NRXN1: variants seen among roughly 807,000 people sequenced by gnomAD.
NRXN1 encodes neurexin 1.
Under a neutral mutation model 150.9 loss-of-function variants are expected in NRXN1, and 39 were observed. That is an observed-to-expected ratio of 0.26 (90% confidence interval 0.20 to 0.34). The LOEUF is 0.34. Among genes scored for constraint, NRXN1 ranks in the 10% least tolerant of loss-of-function variants. The pLI, the probability that NRXN1 is intolerant of heterozygous loss-of-function variation, is 1.00. For missense variants in NRXN1, 1,815 were observed against 1,949.9 expected, an observed-to-expected ratio of 0.93 and a Z score of 1.30; for synonymous variants, 924 against 757.0, an observed-to-expected ratio of 1.22 and a Z score of -3.62.
chr2:50,889,173 TCTTAACTG>T (rs1175828503), intron 5 of NRXN1, among the ~76,000 whole-genome samples: 2 of 151,808 alleles, frequency 1.3e-5, no homozygotes, highest in East Asian at 3.9e-4. Context: ...CTATGAGTCT[TCTTAACTG>T]CTCTTCATGT....
intron 5 of NRXN1, among the ~76,000 whole-genome samples, chr2:50,640,404 G>T (rs1221914237): frequency 6.6e-6 from 1 of 152,006 alleles, no homozygotes; most frequent in Non-Finnish European, 1.5e-5. Flanking sequence ...GTATAATATT[G>T]CCTTAAATTT....
chr2:50,509,212 C>T (rs948610951), intron 12 of NRXN1, among the ~76,000 whole-genome samples: 45 of 152,176 alleles, frequency 3.0e-4, no homozygotes, highest in African/African-American at 1.1e-3. Flanking sequence ...CATTATTCAG[C>T]CTCGTAGTTA....
At chr2:50,351,367 G>T (rs1255045967) in intron 17 of NRXN1, among the ~76,000 whole-genome samples, 1 of 152,158 alleles carries the variant, frequency 6.6e-6, no homozygotes, top group Non-Finnish European at 1.5e-5. Flanking sequence ...GACAGAGGTG[G>T]CTTCTAGAAG....
At chr2:50,095,537 C>T (rs571689335) in intron 18 of NRXN1, among the ~76,000 whole-genome samples, 2 of 151,996 alleles carry the variant, frequency 1.3e-5, no homozygotes, top group Non-Finnish European at 2.9e-5. Flanking sequence ...TTAAGAAGGT[C>T]TAGATTCAGT....
intron 2 of NRXN1, among the ~76,000 whole-genome samples, chr2:50,992,852 G>A (rs775140783): frequency 6.6e-6 from 1 of 151,776 alleles, no homozygotes; most frequent in Admixed American, 6.6e-5. Flanking sequence ...GAGACTGATG[G>A]GTCAATATAA....
At chr2:50,200,302 T>C (rs530465911) in intron 18 of NRXN1, among the ~76,000 whole-genome samples, 52 of 152,272 alleles carry the variant, frequency 3.4e-4, no homozygotes, top group African/African-American at 1.1e-3. Context: ...AAACTTAGTA[T>C]CATCTCTGCT....
intron 5 of NRXN1, among the ~76,000 whole-genome samples, chr2:50,725,271 T>C (rs1033871916): frequency 2.6e-5 from 4 of 151,958 alleles, no homozygotes; most frequent in Non-Finnish European, 5.9e-5. Flanking sequence ...TGTAATTTTG[T>C]GTTTCCTGAT....
intron 5 of NRXN1, among the ~76,000 whole-genome samples, chr2:50,729,951 G>A (rs774634265): frequency 6.6e-6 from 1 of 152,186 alleles, no homozygotes; most frequent in African/African-American, 2.4e-5. Context: ...GGCTGCTTCT[G>A]AGTGAGAGAG....
chr2:50,712,989 C>A (rs1281267614), intron 5 of NRXN1, among the ~76,000 whole-genome samples: 2 of 152,058 alleles, frequency 1.3e-5, no homozygotes, highest in African/African-American at 4.8e-5. Flanking sequence ...GGTTTCATAT[C>A]TTTTGTGCTT....
chr2:50,396,553 T>C (rs1216429175), intron 17 of NRXN1, among the ~76,000 whole-genome samples: 1 of 152,156 alleles, frequency 6.6e-6, no homozygotes, highest in Non-Finnish European at 1.5e-5. Context: ...GTTTTTGGAA[T>C]GGGTTATGAG....
At chr2:50,268,598 G>C (rs1174957696) in intron 17 of NRXN1, among the ~76,000 whole-genome samples, 2 of 152,156 alleles carry the variant, frequency 1.3e-5, no homozygotes, top group Non-Finnish European at 2.9e-5. Context: ...TGGGTTCCAA[G>C]GATCCCAGGG....
At chr2:51,000,376 T>G (rs1005117489) in intron 2 of NRXN1, among the ~76,000 whole-genome samples, 2 of 152,008 alleles carry the variant, frequency 1.3e-5, no homozygotes, top group African/African-American at 4.8e-5. Flanking sequence ...ATTATCTGCC[T>G]TCCCACCTGA....
intron 18 of NRXN1, among the ~76,000 whole-genome samples, chr2:50,116,153 T>A (rs1428065812): frequency 3.2e-5 from 4 of 126,168 alleles, no homozygotes; most frequent in African/African-American, 1.1e-4. Flanking sequence ...ATAGCCGGAG[T>A]TTTTTTAAAG....
At chr2:50,668,401 T>C (rs1418901141) in intron 5 of NRXN1, among the ~76,000 whole-genome samples, 1 of 152,038 alleles carries the variant, frequency 6.6e-6, no homozygotes, top group Non-Finnish European at 1.5e-5. Context: ...AAATCATTAC[T>C]GCAATATATT....
intron 17 of NRXN1, among the ~76,000 whole-genome samples, chr2:50,250,160 T>C (rs1183211922): frequency 1.3e-5 from 2 of 152,182 alleles, no homozygotes; most frequent in Non-Finnish European, 2.9e-5. Flanking sequence ...AGACCTTCAA[T>C]GATTAAGTGA....
chr2:50,597,081 C>T lies in NRXN1; in HGVS notation c.1320+22941G>A, dbSNP rs79548590. 8.5e-3 allele frequency among the ~76,000 whole-genome samples: 1,295 copies of T among 152,056 alleles called. 19 individuals carry two copies. Among genetic ancestry groups the T allele is most frequent in the African/African-American group, 0.029 (1,200 of 41,476 alleles). ...CTGATCTCTAACTCCTGGGCTCAAG[C>T]TATCTGCCTGCCTCAGCACTCCCAA... On this transcript the variant is annotated intron_variant, in intron 8 of 22. Transcript: ENST00000401669.
chr2:50,578,042 A>C (rs189685127), intron 8 of NRXN1, among the ~76,000 whole-genome samples: 26 of 152,280 alleles, frequency 1.7e-4, no homozygotes, highest in African/African-American at 6.0e-4. Flanking sequence ...GTATTTTCCT[A>C]CTATAATGTT....
At chr2:50,879,411 C>T (rs1679094872) in intron 5 of NRXN1, among the ~76,000 whole-genome samples, 1 of 151,714 alleles carries the variant, frequency 6.6e-6, no homozygotes, top group South Asian at 2.1e-4. Flanking sequence ...GTGTATATTG[C>T]TAGACATTAG....
chr2:50,392,604 G>A (rs2103829978), intron 17 of NRXN1, among the ~76,000 whole-genome samples: 1 of 152,166 alleles, frequency 6.6e-6, no homozygotes, highest in South Asian at 2.1e-4. Context: ...TCAACTTTAG[G>A]GGAAAAGGTG....
Sources: gnomAD v4.1 joint callset for allele counts (sites outside exome capture counted in the v4.1 genomes callset) on GRCh38, gnomAD v4.1.1 for gene constraint, MANE v1.5 for transcripts, NCBI Gene and HGNC (gene_info 2026-07-23, HGNC 2026-07-21) for gene names.